The following PCSK2 variants were observed in gnomAD, a reference collection of about 807,000 sequenced individuals.
PCSK2 encodes proprotein convertase subtilisin/kexin type 2.
A neutral mutation model predicts 69.7 loss-of-function variants in PCSK2; 14 were observed. The observed-to-expected ratio is 0.20, with a 90% CI of 0.13 to 0.31. The LOEUF (loss-of-function observed/expected upper bound fraction) is 0.31. Among genes scored for constraint, PCSK2 ranks in the 10% least tolerant of loss-of-function variants. The pLI is 1.00. For missense variants in PCSK2, 544 were observed against 842.5 expected, an observed-to-expected ratio of 0.65 and a Z score of 4.39; for synonymous variants, 307 against 320.7, an observed-to-expected ratio of 0.96 and a Z score of 0.46.
chr20:17,329,050 A>G (rs1454148829), intron 2 of PCSK2, among the ~76,000 whole-genome samples: 1 of 152,210 alleles, frequency 6.6e-6, no homozygotes, highest in African/African-American at 2.4e-5. Flanking sequence ...TGGGAATGGC[A>G]CACTAGCTTT....
In PCSK2 at chr20:17,438,001, C is replaced by T. The variant is rs556021506; in HGVS notation, c.885+1118C>T. ...GCCAGCAGTTCCCCCCCACCCACAC[C>T]GTGCTCCCAGAGGACTCTCTGTAAT... On this transcript the variant is annotated intron_variant, in intron 8 of 11. Transcript: ENST00000262545. Among the ~76,000 whole-genome samples the T allele has an allele frequency of 7.4e-3, 1,119 of 151,058 alleles. 5 individuals are homozygous for T. The highest frequency in any genetic ancestry group is 0.011 in the Non-Finnish European group (736 of 67,808).
intron 6 of PCSK2, among the ~76,000 whole-genome samples, chr20:17,427,279 A>T (rs1246178427): frequency 1.2e-4 from 19 of 152,226 alleles, no homozygotes; most frequent in Non-Finnish European, 2.6e-4. Flanking sequence ...TAGTACATAT[A>T]TAAATACATG....
At chr20:17,238,959 T>C in intron 1 of PCSK2, among the ~76,000 whole-genome samples, 1 of 152,160 alleles carries the variant, frequency 6.6e-6, no homozygotes, top group Non-Finnish European at 1.5e-5. Context: ...TTTAAAGGCT[T>C]AGCATCATCA....
chr20:17,473,087 C>CTTTTTTTTTTTTT (rs10648323), intron 11 of PCSK2, among the ~76,000 whole-genome samples: 2 of 76,790 alleles, frequency 2.6e-5, no homozygotes, highest in Non-Finnish European at 4.6e-5. Context: ...AAGAAGAACT[C>CTTTTTTTTTTTTT]TTTTTTTTTT....
intron 1 of PCSK2, among the ~76,000 whole-genome samples, chr20:17,242,068 T>C (rs1300323461): frequency 1.3e-5 from 2 of 152,208 alleles, no homozygotes; most frequent in African/African-American, 4.8e-5. Context: ...TACATCATAG[T>C]TTGAATCCCA....
At chr20:17,254,556 T>C (rs1436039180) in intron 1 of PCSK2, among the ~76,000 whole-genome samples, 1 of 152,238 alleles carries the variant, frequency 6.6e-6, no homozygotes, top group Non-Finnish European at 1.5e-5. Context: ...TCCATTAAAC[T>C]ACTATATGTC....
At chr20:17,404,680 G>A (rs950008944) in intron 5 of PCSK2, among the ~76,000 whole-genome samples, 1 of 152,308 alleles carries the variant, frequency 6.6e-6, no homozygotes. Flanking sequence ...GAGGTATGGG[G>A]CACGTATGTC....
At chr20:17,253,363 C>T (rs1987062995) in intron 1 of PCSK2, among the ~76,000 whole-genome samples, 1 of 152,148 alleles carries the variant, frequency 6.6e-6, no homozygotes, top group South Asian at 2.1e-4. Context: ...AATCACTCTT[C>T]ATTTCTGTCC....
At chr20:17,472,140 C>T (rs979303219) in intron 11 of PCSK2, among the ~76,000 whole-genome samples, 1 of 152,224 alleles carries the variant, frequency 6.6e-6, no homozygotes, top group East Asian at 1.9e-4. Flanking sequence ...GCCCCATCAG[C>T]CAGCTGGGAG....
intron 1 of PCSK2, among the ~76,000 whole-genome samples, chr20:17,242,587 C>T (rs1243449545): frequency 7.2e-5 from 11 of 152,326 alleles, no homozygotes; most frequent in African/African-American, 2.6e-4. Context: ...GTGTGACAAA[C>T]TGTTTTAGCA....
At chr20:17,419,013 A>C (rs1316538132) in intron 6 of PCSK2, among the ~76,000 whole-genome samples, 1 of 152,242 alleles carries the variant, frequency 6.6e-6, no homozygotes, top group Non-Finnish European at 1.5e-5. Context: ...AATAGAAAAT[A>C]AAATGCACTA....
chr20:17,474,540 G>A (rs11696561), intron 11 of PCSK2, among the ~76,000 whole-genome samples: 31,220 of 152,080 alleles, frequency 0.21, 3,793 homozygotes, highest in Non-Finnish European at 0.28. Context: ...CTGGGCAATC[G>A]GTGGCCTGTG....
intron 2 of PCSK2, among the ~76,000 whole-genome samples, chr20:17,339,977 C>T (rs1051071776): frequency 1.1e-4 from 17 of 152,224 alleles, no homozygotes; most frequent in African/African-American, 3.9e-4. Context: ...CCATGCAACC[C>T]ACCCCTGCCT....
At chr20:17,364,243 C>A (rs1216755002) in intron 4 of PCSK2, among the ~76,000 whole-genome samples, 5 of 151,986 alleles carry the variant, frequency 3.3e-5, no homozygotes, top group Admixed American at 6.6e-5. Context: ...ACCTGAGGAC[C>A]ACATAGTCAC....
chr20:17,428,693 C>T (rs997643695), intron 6 of PCSK2, among the ~76,000 whole-genome samples: 2 of 152,054 alleles, frequency 1.3e-5, no homozygotes, highest in Non-Finnish European at 2.9e-5. Flanking sequence ...AGTTGTTCCA[C>T]CCACCATTAA....
At chr20:17,378,640 G>A (rs111995142) in intron 5 of PCSK2, among the ~76,000 whole-genome samples, 6 of 91,662 alleles carry the variant, frequency 6.5e-5, no homozygotes, top group African/African-American at 2.7e-4. Flanking sequence ...TGGATGGATG[G>A]ATGAATGGAT....
At chr20:17,412,512 C>A (rs2123308916) in intron 6 of PCSK2, among the ~76,000 whole-genome samples, 1 of 152,086 alleles carries the variant, frequency 6.6e-6, no homozygotes, top group South Asian at 2.1e-4. Flanking sequence ...AAAAACCCTC[C>A]AAGAAATATG....
chr20:17,347,797 A>G lies in PCSK2; in HGVS notation c.283-10530A>G, dbSNP rs181519311. Among the ~76,000 whole-genome samples, 19 of 75,422 alleles carry G rather than the reference A, an allele frequency of 2.5e-4. 1 individual carries two copies. The highest frequency in any genetic ancestry group is 2.8e-4 in the Non-Finnish European group (10 of 35,140). 49.5% of individuals were successfully genotyped at this position (75,422 alleles called of 152,430 possible). On this transcript the variant is annotated intron_variant, in intron 2 of 11. Coordinates refer to ENST00000262545, the MANE Select transcript of PCSK2 (RefSeq NM_002594.5). ...TGAAAGACACATAGACGAAAGAAAG[A>G]AAGAAAGAAAGAAAGAAAGAAAGAA...
rs564511223 is a variant in PCSK2, at chr20:17,338,516, T to A, written c.283-19811T>A. Among the ~76,000 whole-genome samples the A allele has an allele frequency of 6.5e-5, 7 of 107,612 alleles. No individual in the cohort carries two copies. The East Asian group carries it at 4.4e-3, about 67-fold the overall frequency. The allele number at this position is 107,612 out of a possible 152,430, so 70.6% of individuals were successfully genotyped here. On this transcript the variant is annotated intron_variant, in intron 2 of 11. Transcript: ENST00000262545. ...AGCTAACCTTATGTTTTTAAAATTG[T>A]TGTTGTTGGTTTTGTTTTCAAGTGA... is the stretch of plus-strand genomic sequence containing the variant.
Sources: gnomAD v4.1 joint callset for allele counts (sites outside exome capture counted in the v4.1 genomes callset) on GRCh38, gnomAD v4.1.1 for gene constraint, MANE v1.5 for transcripts, NCBI Gene and HGNC (gene_info 2026-07-23, HGNC 2026-07-21) for gene names.